JMJD1C: variants seen among roughly 807,000 people sequenced by gnomAD.
JMJD1C encodes jumonji domain containing 1C.
A neutral mutation model predicts 245.3 loss-of-function variants in JMJD1C; 31 were observed. That is an observed-to-expected ratio of 0.13 (90% confidence interval 0.09 to 0.17). The LOEUF (loss-of-function observed/expected upper bound fraction) is 0.17. Ranked by LOEUF, JMJD1C falls within the 10% of genes least tolerant of loss-of-function variation. JMJD1C has a pLI of 1.00. For synonymous variants in JMJD1C, 1,057 were observed against 1,017.4 expected, an observed-to-expected ratio of 1.04 and a Z score of -0.74; for missense variants, 2,691 against 3,000.2, an observed-to-expected ratio of 0.90 and a Z score of 2.41.
At chr10:63,518,448 A>T (rs1673259886) in intron 1 of JMJD1C, among the ~76,000 whole-genome samples, 2 of 152,218 alleles carry the variant, frequency 1.3e-5, no homozygotes, top group African/African-American at 4.8e-5. Flanking sequence ...CGTGGGGCAA[A>T]ACTACACTAG....
intron 21 of JMJD1C, 64 bp from the exon 22 acceptor site, chr10:63,183,633 AT>A: frequency 1.1e-6 from 1 of 942,418 alleles, no homozygotes; most frequent in Non-Finnish European, 1.5e-6. Flanking sequence ...ATAATCAGAT[AT>A]TCCCCCAAAT....
rs752659477 is a variant in JMJD1C, at chr10:63,193,476, C to T, written c.5735-4G>A. On this transcript the variant is annotated splice_region_variant and splice_polypyrimidine_tract_variant and intron_variant, in intron 14 of 25. Transcript: ENST00000399262. ...GCATCTAGAAGATCTGTCAAAACTACAAAATAAAATGGTAGTTAATAAAAA... is the reference window on the plus strand; with the variant it reads ...GCATCTAGAAGATCTGTCAAAACTATAAAATAAAATGGTAGTTAATAAAAA... 2 of 1,572,394 alleles carry T rather than the reference C, an allele frequency of 1.3e-6. No individual in the cohort carries two copies. Among genetic ancestry groups the T allele is most frequent in the South Asian group, 1.2e-5 (1 of 84,176 alleles).
chr10:63,396,663 T>C (rs1309966254), intron 1 of JMJD1C, among the ~76,000 whole-genome samples: 1 of 152,300 alleles, frequency 6.6e-6, no homozygotes, highest in African/African-American at 2.4e-5. Flanking sequence ...ATATGGAATC[T>C]TATTTACAAG....
At chr10:63,233,193 T>C (rs1850227847) in intron 3 of JMJD1C, among the ~76,000 whole-genome samples, 1 of 152,226 alleles carries the variant, frequency 6.6e-6, no homozygotes, top group East Asian at 1.9e-4. Context: ...GCCACAATTT[T>C]AGTTAATCCT....
chr10:63,297,392 T>C lies in JMJD1C; in HGVS notation c.334-32628A>G, dbSNP rs561560601. 8.5e-4 allele frequency among the ~76,000 whole-genome samples: 130 copies of C among 152,330 alleles called. No individual in the cohort carries two copies. The South Asian group carries it at 0.024, about 29-fold the overall frequency. ...CTCATCAGGACTACCTGTCTGCAGA[T>C]AGGAGCTACCTACTTCAGGTCTCCT... On this transcript the variant is annotated intron_variant, in intron 2 of 25. Coordinates refer to ENST00000399262, the MANE Select transcript of JMJD1C (RefSeq NM_032776.3).
At chr10:63,451,299 G>A (rs1258026208) in intron 1 of JMJD1C, among the ~76,000 whole-genome samples, 5 of 152,030 alleles carry the variant, frequency 3.3e-5, no homozygotes, top group Non-Finnish European at 5.9e-5. Flanking sequence ...ACATGGAATC[G>A]CAGGGGACCC....
At chr10:63,287,702 C>T (rs1263195297) in intron 2 of JMJD1C, among the ~76,000 whole-genome samples, 1 of 151,966 alleles carries the variant, frequency 6.6e-6, no homozygotes, top group Admixed American at 6.6e-5. Flanking sequence ...TAATTATTTG[C>T]AAATATTTAT....
intron 1 of JMJD1C, among the ~76,000 whole-genome samples, chr10:63,404,864 G>T (rs1949076802): frequency 6.6e-6 from 1 of 152,154 alleles, no homozygotes; most frequent in South Asian, 2.1e-4. Flanking sequence ...AACAAAAGCA[G>T]TACATGGGGT....
Position 63,288,049 on chromosome 10 carries a change from T to A in JMJD1C, c.334-23285A>T, listed in dbSNP as rs139848152. Among the ~76,000 whole-genome samples the A allele has an allele frequency of 4.3e-3, 660 of 152,230 alleles. 2 individuals carry two copies. Among genetic ancestry groups the A allele is most frequent in the Non-Finnish European group, 6.1e-3 (414 of 68,010 alleles). ...TGTGAGCCACTGCGCCCAGCTAAAT[T>A]TTTAAATTTTTTGTAGAGACAGGTT... On this transcript the variant is annotated intron_variant, in intron 2 of 25. Coordinates refer to ENST00000399262, the MANE Select transcript of JMJD1C (RefSeq NM_032776.3).
At chr10:63,415,212 C>T (rs1377642434) in intron 1 of JMJD1C, among the ~76,000 whole-genome samples, 1 of 152,080 alleles carries the variant, frequency 6.6e-6, no homozygotes, top group Admixed American at 6.5e-5. Flanking sequence ...TATAATATCA[C>T]AGGTACTACG....
At chr10:63,513,077 ATTGTCTACTTT>A (rs975884529) in intron 1 of JMJD1C, among the ~76,000 whole-genome samples, 1 of 151,952 alleles carries the variant, frequency 6.6e-6, no homozygotes, top group African/African-American at 2.4e-5. Context: ...GTTCTTGCAT[ATTGTCTACTTT>A]TTCCTTTAAA....
chr10:63,187,906 A>G (rs1844321034), intron 18 of JMJD1C, among the ~76,000 whole-genome samples: 1 of 152,228 alleles, frequency 6.6e-6, no homozygotes, highest in Non-Finnish European at 1.5e-5. Context: ...AGCATGATAT[A>G]TAAGGGCATT....
Position 63,168,052 on chromosome 10 carries a change from T to C in JMJD1C, c.7616A>G (p.Glu2539Gly), listed in dbSNP as rs1451074981. Residue 2539 changes from glutamate to glycine, a missense_variant, in exon 26 of 26, where the codon GAA becomes GGA. Glu to Gly is a moderately conservative substitution (Grantham distance 98). This residue lies in a region of JMJD1C where 27 missense variants were observed against 18.4 expected (regional missense o/e 1.47). Transcript: ENST00000399262. ...IHEDEVEDME[E>G]N ...TATCAAACTGGATCACACTTAATTTTCTTCCATATCCTCTACTTCATCCTC... is the reference window on the plus strand; with the variant it reads ...TATCAAACTGGATCACACTTAATTTCCTTCCATATCCTCTACTTCATCCTC... 6.4e-7 allele frequency: 1 copy of C among 1,565,030 alleles called. No individual in the cohort carries two copies. Among genetic ancestry groups the C allele is most frequent in the East Asian group, 2.2e-5 (1 of 44,606 alleles).
At chr10:63,399,959 T>C (rs184322681) in intron 1 of JMJD1C, among the ~76,000 whole-genome samples, 6 of 152,236 alleles carry the variant, frequency 3.9e-5, no homozygotes, top group Admixed American at 2.0e-4. Flanking sequence ...AGTAGAAACA[T>C]AGATATACAC....
intron 1 of JMJD1C, among the ~76,000 whole-genome samples, chr10:63,451,333 A>AT (rs1181286064): frequency 6.6e-6 from 1 of 152,186 alleles, no homozygotes; most frequent in Admixed American, 6.5e-5. Flanking sequence ...CAATCTTGAA[A>AT]AAGAACAGAG....
In JMJD1C at chr10:63,323,391, G is replaced by A. The variant is rs181774537; in HGVS notation, c.333+56927C>T. Among the ~76,000 whole-genome samples, 93 of 151,426 alleles carry A rather than the reference G, an allele frequency of 6.1e-4. No individual in the cohort carries two copies. In the East Asian group the frequency reaches 0.016, roughly 26 times the overall value. On this transcript the variant is annotated intron_variant, in intron 2 of 25. Coordinates refer to ENST00000399262, the MANE Select transcript of JMJD1C (RefSeq NM_032776.3). ...ATACAAAAACTAGGCTTGGTGGCAC[G>A]CACCTGGAATCCCAGCAACTCGGGA...
At chr10:63,263,284 C>T (rs1855030089) in intron 3 of JMJD1C, among the ~76,000 whole-genome samples, 1 of 152,176 alleles carries the variant, frequency 6.6e-6, no homozygotes, top group Non-Finnish European at 1.5e-5. Context: ...GACAAGAGCA[C>T]ATCTATATAG....
chr10:63,497,396 A>G (rs1196533021), intron 1 of JMJD1C, among the ~76,000 whole-genome samples: 1 of 152,224 alleles, frequency 6.6e-6, no homozygotes, highest in Non-Finnish European at 1.5e-5. Context: ...GCCAGTCACA[A>G]AAGACCACAT....
In JMJD1C at chr10:63,185,800, G is replaced by A. The variant is rs944048072; in HGVS notation, c.6740-147C>T. On this transcript the variant is annotated intron_variant, in intron 19 of 25. Transcript: ENST00000399262. ...GCTTGCTTATTGACTTATTACTTAT[G>A]TACTTATGTAGTATTAAAACCTTTG... The A allele has an allele frequency of 5.2e-5, 32 of 610,294 alleles. No homozygotes were observed. In the African/African-American group the frequency reaches 6.6e-4, roughly 13 times the overall value. The allele number at this position is 610,294 out of a possible 1,614,324, so 37.8% of individuals were successfully genotyped here.
Sources: gnomAD v4.1 joint callset for allele counts (sites outside exome capture counted in the v4.1 genomes callset) on GRCh38, gnomAD v4.1.1 for gene constraint, gnomAD v4.1.1 regional missense constraint, MANE v1.5 for transcripts, NCBI Gene and HGNC (gene_info 2026-07-23, HGNC 2026-07-21) for gene names.